The following INTS1 variants were observed in gnomAD, a reference collection of about 807,000 sequenced individuals.
INTS1 encodes integrator complex subunit 1.
INTS1 carries 137 observed loss-of-function variants against 241.6 expected under a neutral mutation model. That is an observed-to-expected ratio of 0.57 (90% CI 0.49 to 0.65). The LOEUF (loss-of-function observed/expected upper bound fraction) is 0.65. Ranked by LOEUF, INTS1 falls within the 30% of genes least tolerant of loss-of-function variation. INTS1 has a pLI of 0.00. For synonymous variants in INTS1, 1,692 were observed against 1,337.8 expected (o/e 1.26, Z -5.78); for missense variants, 3,073 against 3,032.2 (o/e 1.01, Z -0.32).
rs867768345 is a variant in INTS1 at position 1,493,754 on chromosome 7, C to A, written c.2068G>T (p.Asp690Tyr). ...GCGCCATCCCCTGCAGAAGCCATACCATCCGCCTGCACGGCAGCCGCCCGC... is the reference window on the plus strand; with the variant it reads ...GCGCCATCCCCTGCAGAAGCCATACAATCCGCCTGCACGGCAGCCGCCCGC... ...VKRAAAVQAD[D>Y]VEVLKVGRTQ... The change falls in exon 15 of 48, where the codon GAT (aspartate) becomes TAT (tyrosine). Residue 690 changes from aspartate to tyrosine, a missense_variant and splice_region_variant. By Grantham distance (160) the Asp-to-Tyr change is radical (BLOSUM62 -3). Transcript: ENST00000404767. The surrounding 1 kb of genome is among the most constrained non-coding windows in gnomAD (Gnocchi z 5.3). 6.3e-7 allele frequency: 1 copy of A among 1,575,740 alleles called. No homozygotes were observed. Among genetic ancestry groups the A allele is most frequent in the Non-Finnish European group, 8.6e-7 (1 of 1,162,432 alleles).
intron 31 of INTS1, among the ~76,000 whole-genome samples, chr7:1,479,199 G>A (rs769954883): frequency 7.2e-5 from 11 of 152,252 alleles, no homozygotes; most frequent in East Asian, 3.9e-4. Context: ...CAGGAGCGCC[G>A]AGCCTGGGTG....
rs759084846 is a variant in INTS1 at position 1,474,380 on chromosome 7, CCA to C, written c.5637-22_5637-21del. On this transcript the variant is annotated intron_variant, in intron 40 of 47. Coordinates refer to ENST00000404767, the MANE Select transcript of INTS1 (RefSeq NM_001080453.3). ...AGGTGCCTGCGGGCGCGGTGAGGGCCCAGTCAGCCCCGGCCGGCGGGCTCACC... is the reference window on the plus strand; with the variant it reads ...AGGTGCCTGCGGGCGCGGTGAGGGCCGTCAGCCCCGGCCGGCGGGCTCACC... 4.5e-6 allele frequency: 7 copies of C among 1,564,096 alleles called. No individual in the cohort carries two copies. In the Admixed American group the frequency reaches 1.2e-4, roughly 28 times the overall value.
rs1291516011 is a variant in INTS1 at position 1,493,959 on chromosome 7, C to T, written c.1911-48G>A. The T allele has an allele frequency of 2.0e-6, 3 of 1,527,932 alleles. No individual in the cohort carries two copies. The highest frequency in any genetic ancestry group is 4.9e-5 in the East Asian group (2 of 40,426). The allele number at this position is 1,527,932 out of a possible 1,614,324, so 94.6% of individuals were successfully genotyped here. A position where few individuals can be genotyped will look rare whatever the true frequency, so the allele number is the denominator to read the frequency against. On this transcript the variant is annotated intron_variant, in intron 14 of 47. Transcript: ENST00000404767. This position sits in a 1 kb window ranked among gnomAD's most constrained non-coding sequence, Gnocchi z 5.3. ...CTCGGTGTGGGCTGCCCACACCTGC[C>T]AGACCTGAGGGGCCGAGGACAGGCC...
Position 1,470,292 on chromosome 7 carries a change from T to G in INTS1, c.*285A>C. 3 of 397,962 alleles carry G rather than the reference T, an allele frequency of 7.5e-6. No homozygotes were observed. Among genetic ancestry groups the G allele is most frequent in the East Asian group, 4.4e-5 (1 of 22,838 alleles). 24.7% of individuals were successfully genotyped at this position (397,962 alleles called of 1,614,324 possible). On this transcript the variant is annotated 3_prime_UTR_variant, in exon 48 of 48. Transcript: ENST00000404767. Reference sequence around the variant, plus strand: ...AGAGCACACAGACAGTTCAGGTCGTTTCATTCAAAACCAGCCCAGGCCATG... The same window carrying G: ...AGAGCACACAGACAGTTCAGGTCGTGTCATTCAAAACCAGCCCAGGCCATG...
At chr7:1,473,292 G>A (rs1781559380) in intron 42 of INTS1, 108 bp from the exon 43 acceptor site, 1 of 709,744 alleles carries the variant, frequency 1.4e-6, no homozygotes, top group East Asian at 2.8e-5. Flanking sequence ...AGGCATGCAG[G>A]AGAGGCCAGG....
At chr7:1,504,177 G>C in intron 1 of INTS1, 146 bp downstream of exon 1, 1 of 536,526 alleles carries the variant, frequency 1.9e-6, no homozygotes, top group Non-Finnish European at 3.2e-6. Flanking sequence ...GCCCGGGAGC[G>C]GCTCAGTCGG....
rs200067270 is a variant in INTS1, at chr7:1,470,950, G to C, written c.6353C>G (p.Ala2118Gly). The change falls in exon 47 of 48, where the codon GCA becomes GGA. Residue 2118 changes from alanine to glycine, a missense_variant. Transcript: ENST00000404767. ...CATGAACGTGGGCAGGAAAGCGGCT[G>C]CAATGCTGAAAGACCCACACACTTC... ...LRSMQNSPSIAAAFLPTFMYC... is the reference protein window; with the variant it reads ...LRSMQNSPSIGAAFLPTFMYC... 1.3e-6 allele frequency: 2 copies of C among 1,562,802 alleles called. No individual in the cohort carries two copies. The highest frequency in any genetic ancestry group is 1.7e-6 in the Non-Finnish European group (2 of 1,154,450).
In INTS1 at chr7:1,493,572, C is replaced by A. The variant is rs764395401; in HGVS notation, c.2068+182G>T. On this transcript the variant is annotated intron_variant, in intron 15 of 47. Transcript: ENST00000404767. This position sits in a 1 kb window ranked among gnomAD's most constrained non-coding sequence, Gnocchi z 5.3. ...TGACTGCACCATTGCCAAATACACG[C>A]ACGCTTCTGAATTCCCAACGGCAGA... 2.0e-4 allele frequency among the ~76,000 whole-genome samples: 30 copies of A among 149,884 alleles called. No homozygotes were observed. Among genetic ancestry groups the A allele is most frequent in the Non-Finnish European group, 3.7e-4 (25 of 68,014 alleles).
Position 1,494,850 on chromosome 7 carries a change from TGTAGTAG to T in INTS1, c.1869_1875del (p.Tyr624SerfsTer28). ...CTCTCGGGTGGCCAGTTGTCCCACT[TGTAGTAG>T]GTCTCCGGCTGCTCTGTGAACAGCA... On this transcript the variant is annotated frameshift_variant, in exon 14 of 48. Transcript: ENST00000404767. LOFTEE classifies it high-confidence loss of function. The T allele has an allele frequency of 6.4e-7, 1 of 1,569,720 alleles. No individual in the cohort carries two copies. The highest frequency in any genetic ancestry group is 8.6e-7 in the Non-Finnish European group (1 of 1,158,054).
chr7:1,471,751 G>A (rs961603543), intron 44 of INTS1, 110 bp from the exon 45 acceptor site: 1 of 983,328 alleles, frequency 1.0e-6, no homozygotes, highest in South Asian at 1.3e-5. Flanking sequence ...AGGACAGAAA[G>A]CACTGGAAAG....
At chr7:1,489,430 G>T in intron 17 of INTS1, 26 bp from the exon 18 acceptor site, 1 of 1,050,922 alleles carries the variant, frequency 9.5e-7, no homozygotes, top group Non-Finnish European at 1.2e-6. Context: ...GTGTGGGGCT[G>T]GCCAGGCTCC....
Position 1,483,724 on chromosome 7 carries a change from G to C in INTS1, c.3541+18C>G. The C allele has an allele frequency of 6.2e-7, 1 of 1,602,834 alleles. No individual in the cohort carries two copies. The highest frequency in any genetic ancestry group is 8.5e-7 in the Non-Finnish European group (1 of 1,173,072). Reference sequence around the variant, plus strand: ...ACCTGGCACGAAGCTGCCCCTCCCGGGGCCTGTGGCGGCTCACCTCGAGGC... The same window carrying C: ...ACCTGGCACGAAGCTGCCCCTCCCGCGGCCTGTGGCGGCTCACCTCGAGGC... On this transcript the variant is annotated intron_variant, in intron 26 of 47. Coordinates refer to ENST00000404767, the MANE Select transcript of INTS1 (RefSeq NM_001080453.3).
intron 33 of INTS1, 62 bp from the exon 34 acceptor site, chr7:1,477,998 GTGT>G: frequency 1.4e-6 from 2 of 1,408,456 alleles, no homozygotes; most frequent in Non-Finnish European, 2.0e-6. Flanking sequence ...CGCTGAGTGG[GTGT>G]GGGCTAGCCA....
At chr7:1,491,504 T>C (rs1034099550) in intron 16 of INTS1, among the ~76,000 whole-genome samples, 4 of 152,150 alleles carry the variant, frequency 2.6e-5, no homozygotes, top group African/African-American at 9.7e-5. Flanking sequence ...AAACACAGAA[T>C]TAAATCTCCA....
intron 42 of INTS1, 66 bp from the exon 43 acceptor site, chr7:1,473,250 C>G (rs563172917): frequency 1.9e-6 from 2 of 1,034,840 alleles, no homozygotes; most frequent in African/African-American, 3.2e-5. Context: ...GGTCAGGGGT[C>G]AAACTAGGGT....
chr7:1,481,733 C>G lies in INTS1; in HGVS notation c.3704-245G>C, dbSNP rs1282509612. Among the ~76,000 whole-genome samples, 1 of 148,900 alleles carries G rather than the reference C, an allele frequency of 6.7e-6. No individual in the cohort carries two copies. Among genetic ancestry groups the G allele is most frequent in the Non-Finnish European group, 1.5e-5 (1 of 67,176 alleles). ...TGGGGCAGTGCACACTCGGCAGCCC[C>G]ACCCGAGACCTGGGGCAGTGCACAC... On this transcript the variant is annotated intron_variant, in intron 27 of 47. Transcript: ENST00000404767. This position sits in a 1 kb window ranked among gnomAD's most constrained non-coding sequence, Gnocchi z 6.8.
rs1228518929 is a variant in INTS1 at position 1,486,702 on chromosome 7, T to C, written c.2899A>G (p.Thr967Ala). ...AAGTAGTCCAGCACCTCACACGTGGTCTGCTCATCAGCCTTCGGGCCCAGT... is the reference window on the plus strand; with the variant it reads ...AAGTAGTCCAGCACCTCACACGTGGCCTGCTCATCAGCCTTCGGGCCCAGT... ...LLLGPKADEQTTCEVLDYFLR... is the reference protein window; with the variant it reads ...LLLGPKADEQATCEVLDYFLR... Residue 967 changes from threonine to alanine, a missense_variant, in exon 22 of 48, where the codon ACC becomes GCC. Thr to Ala is a moderately conservative substitution (Grantham distance 58, BLOSUM62 0). Transcript: ENST00000404767. 2 of 1,612,608 alleles carry C rather than the reference T, an allele frequency of 1.2e-6. No homozygotes were observed. Among genetic ancestry groups the C allele is most frequent in the Non-Finnish European group, 1.7e-6 (2 of 1,179,814 alleles).
chr7:1,478,312 G>A (rs1383647595), intron 33 of INTS1, 54 bp downstream of exon 33: 3 of 1,594,418 alleles, frequency 1.9e-6, no homozygotes, highest in Middle Eastern at 1.7e-4. Flanking sequence ...GGAGCCTCAG[G>A]TTTGGGTCTT....
Position 1,497,303 on chromosome 7 carries a change from C to A in INTS1, c.1437G>T (p.Met479Ile). 1 of 1,612,542 alleles carries A rather than the reference C, an allele frequency of 6.2e-7. No individual in the cohort carries two copies. Residue 479 changes from methionine to isoleucine, a missense_variant, in exon 11 of 48, where the codon ATG (methionine) becomes ATT (isoleucine). Coordinates refer to ENST00000404767, the MANE Select transcript of INTS1 (RefSeq NM_001080453.3). The surrounding 1 kb of genome is among the most constrained non-coding windows in gnomAD (Gnocchi z 5.3). The part of the protein sequence containing the change: ...SSELAPKFLA[M>I]VFQDLLTNKD... ...TGTTGGTCAGCAGGTCCTGGAACAC[C>A]ATGGCCAGGAACTGGGGCAGAGAGA...
Sources: gnomAD v4.1 joint callset for allele counts (sites outside exome capture counted in the v4.1 genomes callset) on GRCh38, gnomAD v4.1.1 for gene constraint, Gnocchi (gnomAD v3.1) non-coding constraint, MANE v1.5 for transcripts, NCBI Gene and HGNC (gene_info 2026-07-23, HGNC 2026-07-21) for gene names.